The following SLC14A2 variants were observed in gnomAD, a reference collection of about 807,000 sequenced individuals.
SLC14A2 encodes the protein urea transporter 2.
In SLC14A2, 91 loss-of-function variants were observed where a neutral mutation model predicts 104.6. The observed-to-expected ratio is 0.87, with a 90% CI of 0.73 to 1.04. The LOEUF (loss-of-function observed/expected upper bound fraction) is 1.04, where lower values mean the gene tolerates loss of function less well. SLC14A2 is among the 50% of genes least tolerant of loss of function. The probability of loss-of-function intolerance (pLI) is 0.00; values close to 1 mark genes in which losing one functional copy is unlikely to be tolerated. For synonymous variants in SLC14A2, 476 were observed against 466.4 expected (o/e 1.02, Z -0.27); for missense variants, 1,189 against 1,156.0 (o/e 1.03, Z -0.41).
intron 2 of SLC14A2, among the ~76,000 whole-genome samples, chr18:45,484,649 G>A (rs575315854): frequency 3.3e-4 from 50 of 152,328 alleles, no homozygotes; most frequent in Non-Finnish European, 3.7e-4. Flanking sequence ...TCCACTGGAA[G>A]TGGTAGGTGT....
At chr18:45,534,655 A>C (rs924881292) in intron 2 of SLC14A2, among the ~76,000 whole-genome samples, 2 of 152,210 alleles carry the variant, frequency 1.3e-5, no homozygotes, top group African/African-American at 2.4e-5. Flanking sequence ...CTCAAGGTCA[A>C]GCAAGGGACA....
At chr18:45,461,888 C>G (rs1419235950) in intron 1 of SLC14A2, among the ~76,000 whole-genome samples, 1 of 152,078 alleles carries the variant, frequency 6.6e-6, no homozygotes, top group African/African-American at 2.4e-5. Context: ...GTTTTCCTCC[C>G]TGGGAGAGTC....
chr18:45,577,024 C>T (rs973191685), intron 2 of SLC14A2, among the ~76,000 whole-genome samples: 3 of 151,966 alleles, frequency 2.0e-5, no homozygotes, highest in Non-Finnish European at 4.4e-5. Context: ...TGGTACAGGG[C>T]CTTGGGGTGA....
intron 2 of SLC14A2, among the ~76,000 whole-genome samples, chr18:45,545,821 A>G (rs1017700685): frequency 2.0e-5 from 3 of 152,342 alleles, no homozygotes. Context: ...ATAGGTACAC[A>G]TATCCCATTA....
At chr18:45,223,033 T>C (rs775949095) in intron 1 of SLC14A2, among the ~76,000 whole-genome samples, 8 of 152,228 alleles carry the variant, frequency 5.3e-5, no homozygotes, top group African/African-American at 1.4e-4. Flanking sequence ...CTTATCACCA[T>C]GGACCATCAT....
intron 1 of SLC14A2, among the ~76,000 whole-genome samples, chr18:45,213,687 A>C (rs1253256081): frequency 1.3e-5 from 2 of 152,090 alleles, no homozygotes; most frequent in Non-Finnish European, 2.9e-5. Context: ...TTGATTGGTT[A>C]ATTAGTCCAC....
chr18:45,633,186 C>T (rs768857909), intron 5 of SLC14A2, among the ~76,000 whole-genome samples: 7 of 152,154 alleles, frequency 4.6e-5, no homozygotes, highest in Non-Finnish European at 8.8e-5. Flanking sequence ...GAGATTAAGT[C>T]ACTTGCCCCA....
intron 1 of SLC14A2, among the ~76,000 whole-genome samples, chr18:45,309,916 T>C (rs997266229): frequency 5.9e-5 from 9 of 152,148 alleles, no homozygotes; most frequent in Admixed American, 1.3e-4. Flanking sequence ...TATATATATA[T>C]ATAGCCCTAC....
chr18:45,178,450 AAAAT>A, the SLC14A2 span, among the ~76,000 whole-genome samples: 1 of 152,188 alleles, frequency 6.6e-6, no homozygotes, highest in Non-Finnish European at 1.5e-5. Context: ...GAACAAGAAA[AAAAT>A]AATAAGCCAG....
At chr18:45,635,937 G>A (rs955334223) in intron 5 of SLC14A2, among the ~76,000 whole-genome samples, 1 of 152,204 alleles carries the variant, frequency 6.6e-6, no homozygotes, top group Non-Finnish European at 1.5e-5. Flanking sequence ...CAGAGAGGCA[G>A]ATTTTGTGGG....
chr18:45,334,034 G>T (rs992622754), intron 1 of SLC14A2, among the ~76,000 whole-genome samples: 28 of 152,136 alleles, frequency 1.8e-4, no homozygotes, highest in African/African-American at 6.3e-4. Flanking sequence ...AATAATTTAA[G>T]GTAAAGGGAC....
At chr18:45,223,188 A>G (rs2084080016) in intron 1 of SLC14A2, among the ~76,000 whole-genome samples, 2 of 152,206 alleles carry the variant, frequency 1.3e-5, no homozygotes, top group African/African-American at 4.8e-5. Context: ...TGACCCACCC[A>G]AAGTCACAAG....
chr18:45,539,645 T>A (rs574636125), intron 2 of SLC14A2, among the ~76,000 whole-genome samples: 6 of 152,306 alleles, frequency 3.9e-5, no homozygotes, highest in African/African-American at 1.4e-4. Flanking sequence ...CGGCTGCCTC[T>A]TCCTGGGCCT....
chr18:45,218,903 A>AG (rs1364551444), intron 1 of SLC14A2, among the ~76,000 whole-genome samples: 1 of 152,134 alleles, frequency 6.6e-6, no homozygotes, highest in African/African-American at 2.4e-5. Context: ...CTTTAAAAAA[A>AG]AAAAAAGCTT....
In SLC14A2 at chr18:45,624,809, GA is replaced by G; in HGVS notation, c.149del (p.Lys50ArgfsTer13). 6.2e-7 allele frequency: 1 copy of G among 1,611,224 alleles called. No individual in the cohort carries two copies. Among genetic ancestry groups the G allele is most frequent in the Non-Finnish European group, 8.5e-7 (1 of 1,178,688 alleles). ...TCTGCCCCTCCTGGAAATGCCTGAA[GA>G]AAAGGTGAGAAGTGTCCCTCCTAGG... ...PALPLLEMPE[E>X]KDLRSSNEDS... On this transcript the variant is annotated frameshift_variant, in exon 2 of 20. Coordinates refer to ENST00000255226, the MANE Select transcript of SLC14A2 (RefSeq NM_007163.4). LOFTEE classifies it high-confidence loss of function.
intron 2 of SLC14A2, among the ~76,000 whole-genome samples, chr18:45,606,747 ACAAAACAAAAAC>A (rs140759904): frequency 0.099 from 4,767 of 48,264 alleles, 118 homozygotes; most frequent in Non-Finnish European, 0.13. Context: ...AAAAAAAAAA[ACAAAACAAAAAC>A]AAAAAAAAAA....
At chr18:45,365,144 C>T (rs139957990) in intron 1 of SLC14A2, among the ~76,000 whole-genome samples, 103 of 152,316 alleles carry the variant, frequency 6.8e-4, no homozygotes, top group Non-Finnish European at 1.0e-3. Flanking sequence ...TCTAAGACCC[C>T]GAGCTCAGAG....
intron 1 of SLC14A2, among the ~76,000 whole-genome samples, chr18:45,244,646 G>T (rs1316702748): frequency 6.6e-6 from 1 of 151,974 alleles, no homozygotes; most frequent in Non-Finnish European, 1.5e-5. Context: ...GGAGTGGGGG[G>T]GTGGGGGAGC....
intron 1 of SLC14A2, 47 bp downstream of exon 1, chr18:45,615,629 A>C: frequency 4.8e-5 from 7 of 146,694 alleles, no homozygotes; most frequent in African/African-American, 7.6e-5. Context: ...TAAATCACCC[A>C]CTCTCAGGTA....
Sources: allele counts gnomAD v4.1 joint callset (sites outside exome capture counted in the v4.1 genomes callset), GRCh38; gene constraint gnomAD v4.1.1; transcripts MANE v1.5; gene names NCBI Gene and HGNC (gene_info 2026-07-23, HGNC 2026-07-21).